PLD5: variants seen among roughly 807,000 people sequenced by gnomAD.
PLD5 encodes the protein phospholipase D family member 5.
Under a neutral mutation model 61.1 loss-of-function variants are expected in PLD5, and 36 were observed. The observed-to-expected ratio is 0.59, with a 90% CI of 0.45 to 0.78. PLD5 has a LOEUF of 0.78. Ranked by LOEUF, PLD5 falls within the 30% of genes least tolerant of loss-of-function variation. PLD5 has a pLI of 0.00. For synonymous variants in PLD5, 243 were observed against 242.8 expected (o/e 1.00, Z -0.01); for missense variants, 515 against 644.4 (o/e 0.80, Z 2.17).
At chr1:242,134,389 T>TG (rs1226829164) in intron 5 of PLD5, among the ~76,000 whole-genome samples, 1 of 82,734 alleles carries the variant, frequency 1.2e-5, no homozygotes, top group African/African-American at 5.7e-5. Context: ...CCTTCAGTTT[T>TG]TTTTTTTTTT....
intron 1 of PLD5, among the ~76,000 whole-genome samples, chr1:242,404,205 G>C (rs1432934919): frequency 2.6e-5 from 4 of 152,180 alleles, no homozygotes; most frequent in Non-Finnish European, 5.9e-5. Context: ...CAGATGCTAT[G>C]AAAGAATAAA....
intron 2 of PLD5, among the ~76,000 whole-genome samples, chr1:242,328,766 G>A (rs1247232593): frequency 8.5e-5 from 13 of 152,270 alleles, no homozygotes; most frequent in Non-Finnish European, 1.8e-4. Flanking sequence ...CAAAGCCAAA[G>A]ATACCAATAT....
rs116123473 is a variant in PLD5 at position 242,164,580 on chromosome 1, G to C, written c.736-39915C>G. Among the ~76,000 whole-genome samples the C allele has an allele frequency of 2.2e-3, 330 of 152,244 alleles. 2 individuals are homozygous for C. The highest frequency in any genetic ancestry group is 7.5e-3 in the African/African-American group (313 of 41,512). On this transcript the variant is annotated intron_variant, in intron 5 of 9. Transcript: ENST00000536534. ...TGAAATGCAATAATGTTATTTATCT[G>C]TTTTAACATGTAGAAGCAGAGCAAG...
At chr1:242,120,951 TCTAA>T (rs1253856686) in intron 6 of PLD5, among the ~76,000 whole-genome samples, 1 of 151,310 alleles carries the variant, frequency 6.6e-6, no homozygotes, top group Non-Finnish European at 1.5e-5. Context: ...AAAATTTATA[TCTAA>T]CTATGCTAAG....
rs866521514 is a variant in PLD5, at chr1:242,155,540, G to A, written c.736-30875C>T. On this transcript the variant is annotated intron_variant, in intron 5 of 9. Coordinates refer to ENST00000536534, the MANE Select transcript of PLD5 (RefSeq NM_001372062.1). ...CTTTCAATTTGTCCCAGAGATTCTG[G>A]TACATTGTGTCTTTGTTCTCATTGG... Among the ~76,000 whole-genome samples the A allele has an allele frequency of 4.7e-4, 71 of 152,108 alleles. 2 individuals carry two copies. Among genetic ancestry groups the A allele is most frequent in the African/African-American group, 1.7e-3 (69 of 41,408 alleles).
intron 5 of PLD5, among the ~76,000 whole-genome samples, chr1:242,169,750 G>A (rs1209421225): frequency 2.0e-5 from 3 of 152,190 alleles, no homozygotes; most frequent in Admixed American, 6.5e-5. Flanking sequence ...CGTTGTGGGA[G>A]GGGAGTCCAC....
intron 1 of PLD5, among the ~76,000 whole-genome samples, chr1:242,513,571 C>T (rs1223809724): frequency 6.6e-6 from 1 of 152,158 alleles, no homozygotes; most frequent in Non-Finnish European, 1.5e-5. Context: ...GAAAGACAAC[C>T]AGATCATAAG....
chr1:242,413,157 A>G (rs960846847), intron 1 of PLD5, among the ~76,000 whole-genome samples: 2 of 152,060 alleles, frequency 1.3e-5, no homozygotes, highest in African/African-American at 4.8e-5. Context: ...CTCTGCCTCC[A>G]GTTCTGCTTT....
At chr1:242,107,864 A>C in intron 7 of PLD5, 25 bp from the exon 8 acceptor site, 1 of 1,560,130 alleles carries the variant, frequency 6.4e-7, no homozygotes, top group Non-Finnish European at 8.6e-7. Flanking sequence ...TCCAAATAGA[A>C]AAAATAAACT....
At position 242,183,770 on chromosome 1, in the gene PLD5, T is replaced by A. The variant is rs868537304; in HGVS notation, c.735+36218A>T. The stretch of plus-strand genomic sequence containing the variant: ...TTAGGCAGGCGTGGTGGCGGGCCCC[T>A]GTAGTCCCAGCTACTGGGGAGGTCT... On this transcript the variant is annotated intron_variant, in intron 5 of 9. Coordinates refer to ENST00000536534, the MANE Select transcript of PLD5 (RefSeq NM_001372062.1). 4.3e-4 allele frequency among the ~76,000 whole-genome samples: 58 copies of A among 135,160 alleles called. 1 individual carries two copies. The Middle Eastern group carries it at 0.011, about 26-fold the overall frequency. The allele number at this position is 135,160 out of a possible 152,430, so 88.7% of individuals were successfully genotyped here. A position where few individuals can be genotyped will look rare whatever the true frequency, so the allele number is the denominator to read the frequency against.
chr1:242,476,310 G>A (rs1667594768), intron 1 of PLD5, among the ~76,000 whole-genome samples: 1 of 151,712 alleles, frequency 6.6e-6, no homozygotes. Context: ...AGCCGAGATT[G>A]CACCATTGCA....
chr1:242,137,990 G>A (rs1253053037), intron 5 of PLD5, among the ~76,000 whole-genome samples: 1 of 152,168 alleles, frequency 6.6e-6, no homozygotes, highest in Non-Finnish European at 1.5e-5. Flanking sequence ...TGAATTAGAT[G>A]TCTGAGGGTA....
chr1:242,244,411 G>T (rs569209060), intron 4 of PLD5, among the ~76,000 whole-genome samples: 1 of 152,296 alleles, frequency 6.6e-6, no homozygotes, highest in South Asian at 2.1e-4. Flanking sequence ...ATCTAATTGA[G>T]TAATAGATAC....
chr1:242,464,079 G>A (rs1667203208), intron 1 of PLD5, among the ~76,000 whole-genome samples: 1 of 152,092 alleles, frequency 6.6e-6, no homozygotes, highest in African/African-American at 2.4e-5. Context: ...TAATCTTTCG[G>A]AGCACTTCAC....
chr1:242,458,958 C>T (rs762194809), intron 1 of PLD5, among the ~76,000 whole-genome samples: 7 of 152,146 alleles, frequency 4.6e-5, no homozygotes, highest in Non-Finnish European at 1.0e-4. Flanking sequence ...ATTGCTATTA[C>T]TGCGACTGCT....
chr1:242,368,668 C>T (rs1661471541), intron 1 of PLD5, among the ~76,000 whole-genome samples: 1 of 152,196 alleles, frequency 6.6e-6, no homozygotes, highest in Non-Finnish European at 1.5e-5. Context: ...TGAGCTTCTC[C>T]ATGTTGCCCA....
intron 4 of PLD5, among the ~76,000 whole-genome samples, chr1:242,253,115 CTTTTTTTTTT>C (rs35097685): frequency 1.4e-5 from 1 of 73,198 alleles, no homozygotes; most frequent in African/African-American, 4.8e-5. Context: ...GTGTATGGCC[CTTTTTTTTTT>C]TTTTTTTTTT....
intron 1 of PLD5, among the ~76,000 whole-genome samples, chr1:242,389,122 C>G (rs762942958): frequency 9.2e-5 from 14 of 151,532 alleles, no homozygotes; most frequent in Non-Finnish European, 1.6e-4. Context: ...GTCGAGGTCA[C>G]CAGGCATAAT....
intron 5 of PLD5, among the ~76,000 whole-genome samples, chr1:242,170,023 G>A (rs541684633): frequency 1.4e-4 from 22 of 152,332 alleles, no homozygotes; most frequent in South Asian, 8.3e-4. Flanking sequence ...AGACTTAAAC[G>A]CCCCTGCCCA....
Sources: gnomAD v4.1 joint callset for allele counts (sites outside exome capture counted in the v4.1 genomes callset) on GRCh38, gnomAD v4.1.1 for gene constraint, MANE v1.5 for transcripts, NCBI Gene and HGNC (gene_info 2026-07-23, HGNC 2026-07-21) for gene names.